SLC38A11: variants seen among roughly 807,000 people sequenced by gnomAD.
SLC38A11 encodes putative sodium-coupled neutral amino acid transporter 11.
In SLC38A11, 51 loss-of-function variants were observed where a neutral mutation model predicts 49.4. The ratio of observed to expected loss-of-function variants is 1.03; its 90% CI spans 0.83 to 1.30. The LOEUF is 1.30. SLC38A11 is among the 50% of genes most tolerant of loss of function. SLC38A11 has a pLI of 0.00. For missense variants in SLC38A11, 574 were observed against 556.2 expected, an observed-to-expected ratio of 1.03 and a Z score of -0.32; for synonymous variants, 203 against 192.9, an observed-to-expected ratio of 1.05 and a Z score of -0.43.
chr2:164,948,520 C>T (rs1009581704), intron 3 of SLC38A11, among the ~76,000 whole-genome samples: 2 of 152,074 alleles, frequency 1.3e-5, no homozygotes, highest in Non-Finnish European at 2.9e-5. Context: ...GGACTTATGC[C>T]GTAGTAGTCT....
chr2:164,951,450 G>A (rs899819041), intron 3 of SLC38A11, among the ~76,000 whole-genome samples: 5 of 152,150 alleles, frequency 3.3e-5, no homozygotes, highest in Non-Finnish European at 7.3e-5. Flanking sequence ...TAGGTCTCAT[G>A]CTGCTAATTT....
intron 11 of SLC38A11, among the ~76,000 whole-genome samples, chr2:164,903,666 G>A (rs1482954124): frequency 1.3e-5 from 2 of 152,106 alleles, no homozygotes; most frequent in Non-Finnish European, 2.9e-5. Flanking sequence ...TACACCACTG[G>A]CTTTGGAATA....
At chr2:164,929,947 C>T (rs1001172586) in intron 7 of SLC38A11, among the ~76,000 whole-genome samples, 1 of 150,602 alleles carries the variant, frequency 6.6e-6, no homozygotes, top group Non-Finnish European at 1.5e-5. Context: ...AAAAAACATT[C>T]AAAAGATCAA....
At chr2:164,902,460 T>A (rs934221677) in intron 11 of SLC38A11, among the ~76,000 whole-genome samples, 3 of 152,188 alleles carry the variant, frequency 2.0e-5, no homozygotes. Flanking sequence ...AAGCTTTTCA[T>A]AAACTATGTT....
intron 5 of SLC38A11, among the ~76,000 whole-genome samples, chr2:164,941,030 G>C (rs549900244): frequency 1.3e-4 from 20 of 151,888 alleles, no homozygotes; most frequent in African/African-American, 2.9e-4. Context: ...CTAGATAAAC[G>C]CTGACACAGA....
chr2:164,927,585 T>C (rs1651969454), intron 7 of SLC38A11, among the ~76,000 whole-genome samples: 1 of 152,158 alleles, frequency 6.6e-6, no homozygotes, highest in Non-Finnish European at 1.5e-5. Flanking sequence ...TCAAACTTCA[T>C]CTGCTGTTAT....
intron 6 of SLC38A11, among the ~76,000 whole-genome samples, chr2:164,939,215 A>G (rs1687578028): frequency 6.6e-6 from 1 of 152,082 alleles, no homozygotes; most frequent in Admixed American, 6.6e-5. Flanking sequence ...GTCTGACATC[A>G]GTGTATCTAC....
Position 164,898,783 on chromosome 2 carries a change from C to T in SLC38A11, c.1096-53G>A, listed in dbSNP as rs542670358. 74 of 1,535,514 alleles carry T rather than the reference C, an allele frequency of 4.8e-5. 1 individual carries two copies. Among genetic ancestry groups the T allele is most frequent in the Admixed American group, 7.6e-5 (4 of 52,850 alleles). ...AATGTCACTAGATGGAAACATTCTTCGGACAGCTTTTAAAAGCATTTACAA... is the reference window on the plus strand; with the variant it reads ...AATGTCACTAGATGGAAACATTCTTTGGACAGCTTTTAAAAGCATTTACAA... On this transcript the variant is annotated intron_variant, in intron 11 of 11. Coordinates refer to ENST00000685975, the MANE Select transcript of SLC38A11 (RefSeq NM_001351537.2).
At position 164,915,146 on chromosome 2, in the gene SLC38A11, T is replaced by C. The variant is rs566445870; in HGVS notation, c.816A>G (p.Thr272=). 1.2e-6 allele frequency: 2 copies of C among 1,609,956 alleles called. No homozygotes were observed. Among genetic ancestry groups the C allele is most frequent in the Admixed American group, 1.7e-5 (1 of 59,350 alleles). The change falls in exon 9 of 12, where the codon ACA becomes ACG. Residue 272 remains threonine, a synonymous_variant. Transcript: ENST00000685975. ...AGCCAGTAAATGTCAAGTATCCACA[T>C]GTAGCAAAGAATATACAGATAAATA... ...ISVFICIFFA[T]CGYLTFTGFT... is the part of the protein sequence containing the mutation.
At chr2:164,932,735 A>G (rs933550672) in intron 7 of SLC38A11, among the ~76,000 whole-genome samples, 1 of 152,028 alleles carries the variant, frequency 6.6e-6, no homozygotes, top group African/African-American at 2.4e-5. Flanking sequence ...GACCTATCAG[A>G]GGGTGGAAGT....
chr2:164,944,542 A>G, intron 5 of SLC38A11, 27 bp downstream of exon 5: 2 of 1,119,696 alleles, frequency 1.8e-6, no homozygotes, highest in Non-Finnish European at 2.4e-6. Context: ...ATATATTTAA[A>G]TCCTCACAAT....
chr2:164,934,130 A>AT (rs1247754104), intron 7 of SLC38A11, among the ~76,000 whole-genome samples: 13 of 152,030 alleles, frequency 8.6e-5, no homozygotes, highest in Non-Finnish European at 1.9e-4. Context: ...ATCAAGGCAC[A>AT]CTGCTTATAT....
intron 11 of SLC38A11, among the ~76,000 whole-genome samples, chr2:164,903,103 G>A (rs1684767435): frequency 6.6e-6 from 1 of 152,128 alleles, no homozygotes; most frequent in Non-Finnish European, 1.5e-5. Context: ...CAATTGGTCT[G>A]TATTTATAAC....
intron 3 of SLC38A11, among the ~76,000 whole-genome samples, chr2:164,948,810 T>C (rs1340714774): frequency 1.3e-5 from 2 of 152,026 alleles, no homozygotes; most frequent in East Asian, 3.9e-4. Context: ...CCCTACACTT[T>C]AGCCAGACTA....
chr2:164,901,347 G>A lies in SLC38A11; in HGVS notation c.1096-2617C>T, dbSNP rs187648913. Among the ~76,000 whole-genome samples, 165 of 152,204 alleles carry A rather than the reference G, an allele frequency of 1.1e-3. 1 individual carries two copies. The highest frequency in any genetic ancestry group is 3.9e-3 in the African/African-American group (160 of 41,546). On this transcript the variant is annotated intron_variant, in intron 11 of 11. Transcript: ENST00000685975. ...TTGAATTTGTATATTGCTTTGGGTA[G>A]TATGGCCATTTTAACAATATTAATT... is the stretch of plus-strand genomic sequence containing the variant.
At chr2:164,939,714 A>G (rs565733479) in intron 5 of SLC38A11, among the ~76,000 whole-genome samples, 158 bp from the exon 6 acceptor site, 1 of 150,150 alleles carries the variant, frequency 6.7e-6, no homozygotes, top group Non-Finnish European at 1.5e-5. Flanking sequence ...ACATATAAAC[A>G]TAAAAATAAA....
At position 164,915,965 on chromosome 2, in the gene SLC38A11, GT is replaced by G; in HGVS notation, c.625del (p.Thr209GlnfsTer31). 17 of 1,589,340 alleles carry G rather than the reference GT, an allele frequency of 1.1e-5. No individual in the cohort carries two copies. Among genetic ancestry groups the G allele is most frequent in the South Asian group, 1.1e-5 (1 of 88,230 alleles). ...AISLGPHIPK[T>X]EDAWVFAKPN... ...CTTTGCAAATACCCAAGCGTCTTCT[GT>G]TTTTGGTCTAGAAGAAAAATCAGTT... On this transcript the variant is annotated frameshift_variant, in exon 8 of 12. Transcript: ENST00000685975. LOFTEE classifies it high-confidence loss of function.
intron 3 of SLC38A11, among the ~76,000 whole-genome samples, chr2:164,947,913 C>T (rs1688248623): frequency 6.6e-6 from 1 of 152,200 alleles, no homozygotes; most frequent in African/African-American, 2.4e-5. Context: ...AGTTCTTTTA[C>T]CCACCAATCT....
intron 9 of SLC38A11, among the ~76,000 whole-genome samples, chr2:164,914,773 G>C (rs1685653372): frequency 6.6e-6 from 1 of 152,102 alleles, no homozygotes; most frequent in Admixed American, 6.6e-5. Flanking sequence ...GTGATTCAGA[G>C]AGATTCGGGA....
Sources: gnomAD v4.1 joint callset for allele counts (sites outside exome capture counted in the v4.1 genomes callset) on GRCh38, gnomAD v4.1.1 for gene constraint, MANE v1.5 for transcripts, NCBI Gene and HGNC (gene_info 2026-07-23, HGNC 2026-07-21) for gene names.